GRIP1: variants seen among roughly 807,000 people sequenced by gnomAD.
GRIP1 encodes glutamate receptor-interacting protein 1.
Under a neutral mutation model 129.9 loss-of-function variants are expected in GRIP1, and 45 were observed. The ratio of observed to expected loss-of-function variants is 0.35; its 90% CI spans 0.27 to 0.44. The LOEUF is 0.44. Among genes scored for constraint, GRIP1 ranks in the 20% least tolerant of loss-of-function variants. GRIP1 has a pLI of 1.00. For synonymous variants in GRIP1, 530 were observed against 520.8 expected (o/e 1.02, Z -0.24); for missense variants, 1,196 against 1,396.8 (o/e 0.86, Z 2.29).
intron 2 of GRIP1, among the ~76,000 whole-genome samples, chr12:66,592,401 T>C (rs553825778): frequency 6.6e-5 from 10 of 152,336 alleles, no homozygotes; most frequent in African/African-American, 2.2e-4. Context: ...TAAGACCAAA[T>C]TGATAAGCAT....
At position 66,348,928 on chromosome 12, in the gene GRIP1, G is replaced by T; in HGVS notation, c.*91C>A. On this transcript the variant is annotated 3_prime_UTR_variant, in exon 25 of 25. Coordinates refer to ENST00000359742, the MANE Select transcript of GRIP1 (RefSeq NM_001366722.1). ...GCTTGCAGTTAATGCCACGTTGATT[G>T]ATTATCTGTGCTTCAAAGGTCACAG... The T allele has an allele frequency of 1.1e-6, 1 of 913,440 alleles. No homozygotes were observed. The highest frequency in any genetic ancestry group is 1.9e-6 in the Non-Finnish European group (1 of 540,298). 56.6% of individuals were successfully genotyped at this position (913,440 alleles called of 1,614,324 possible). A position where few individuals can be genotyped will look rare whatever the true frequency, so the allele number is the denominator to read the frequency against.
chr12:66,354,219 C>T (rs1239171346), intron 23 of GRIP1, among the ~76,000 whole-genome samples: 1 of 152,098 alleles, frequency 6.6e-6, no homozygotes, highest in African/African-American at 2.4e-5. Context: ...CTGCGGCCTG[C>T]CCCCCACCCC....
chr12:66,767,962 G>T (rs778525604), intron 1 of GRIP1, among the ~76,000 whole-genome samples: 2 of 152,174 alleles, frequency 1.3e-5, no homozygotes, highest in South Asian at 4.1e-4. Context: ...AAGAATCAAC[G>T]CAATTCCTGT....
intron 20 of GRIP1, 38 bp downstream of exon 20, chr12:66,379,242 G>C: frequency 6.2e-7 from 1 of 1,602,502 alleles, no homozygotes; most frequent in Non-Finnish European, 8.5e-7. Flanking sequence ...TGACCATGCA[G>C]TCATCTTGGA....
intron 1 of GRIP1, among the ~76,000 whole-genome samples, chr12:66,820,830 A>AG (rs2136983513): frequency 6.6e-6 from 1 of 151,914 alleles, no homozygotes; most frequent in Non-Finnish European, 1.5e-5. Flanking sequence ...AAAAAAAAAA[A>AG]CAGGGGTTGC....
chr12:66,536,082 T>C (rs1186046805), intron 4 of GRIP1, among the ~76,000 whole-genome samples: 1 of 152,188 alleles, frequency 6.6e-6, no homozygotes, highest in African/African-American at 2.4e-5. Flanking sequence ...GACTCCTCTT[T>C]TTCTGCACAA....
Position 66,543,797 on chromosome 12 carries a change from T to C in GRIP1, c.137-1847A>G, listed in dbSNP as rs542636676. Among the ~76,000 whole-genome samples the C allele has an allele frequency of 9.3e-4, 142 of 152,284 alleles. 1 individual carries two copies. Among genetic ancestry groups the C allele is most frequent in the African/African-American group, 3.4e-3 (140 of 41,570 alleles). On this transcript the variant is annotated intron_variant, in intron 2 of 24. Transcript: ENST00000359742. ...CTGCATCTTCTTTAAATATGCAGAGTATCCTATATATTTAGACATCTGATT... is the reference window on the plus strand; with the variant it reads ...CTGCATCTTCTTTAAATATGCAGAGCATCCTATATATTTAGACATCTGATT...
chr12:66,765,990 G>C (rs1428326529), intron 1 of GRIP1, among the ~76,000 whole-genome samples: 1 of 152,004 alleles, frequency 6.6e-6, no homozygotes, highest in Non-Finnish European at 1.5e-5. Flanking sequence ...AGACTGTTCT[G>C]GTACCACCAT....
chr12:66,714,076 T>G (rs2035794730), intron 1 of GRIP1, among the ~76,000 whole-genome samples: 1 of 152,062 alleles, frequency 6.6e-6, no homozygotes, highest in Non-Finnish European at 1.5e-5. Flanking sequence ...ATTTTAAAAT[T>G]TCTTACCAGA....
Position 66,452,397 on chromosome 12 carries a change from A to C in GRIP1, c.1354+3012T>G, listed in dbSNP as rs528384297. Among the ~76,000 whole-genome samples the C allele has an allele frequency of 1.7e-4, 26 of 152,334 alleles. 1 individual carries two copies. Among genetic ancestry groups the C allele is most frequent in the African/African-American group, 6.3e-4 (26 of 41,576 alleles). The stretch of plus-strand genomic sequence containing the variant: ...GTGTGCTGTATTAATTATTTTCTCT[A>C]TGAAACAAACATGACACCTTCCTGT... On this transcript the variant is annotated intron_variant, in intron 11 of 24. Coordinates refer to ENST00000359742, the MANE Select transcript of GRIP1 (RefSeq NM_001366722.1).
chr12:66,715,471 T>TGTGTGTGTGTGTGAGAGAGAGAGAGAGA (rs761155485), intron 1 of GRIP1, among the ~76,000 whole-genome samples: 1 of 110,058 alleles, frequency 9.1e-6, no homozygotes, highest in Admixed American at 9.2e-5. Context: ...TGTGTGTGTG[T>TGTGTGTGTGTGTGAGAGAGAGAGAGAGA]GAGAGAGAGA....
intron 1 of GRIP1, among the ~76,000 whole-genome samples, chr12:66,811,452 T>C (rs1000792811): frequency 6.6e-6 from 1 of 152,180 alleles, no homozygotes; most frequent in African/African-American, 2.4e-5. Context: ...TTTGAAGTGA[T>C]GAAAAATATA....
At chr12:66,988,542 G>C (rs1450017266) in intron 1 of GRIP1, among the ~76,000 whole-genome samples, 1 of 151,842 alleles carries the variant, frequency 6.6e-6, no homozygotes, top group Non-Finnish European at 1.5e-5. Context: ...ACCACACCTG[G>C]GTAATTTTTG....
intron 1 of GRIP1, among the ~76,000 whole-genome samples, chr12:66,923,311 A>T (rs754769398): frequency 6.6e-6 from 1 of 152,088 alleles, no homozygotes; most frequent in Non-Finnish European, 1.5e-5. Flanking sequence ...GTACCACTGC[A>T]CTCCATCTGG....
chr12:66,549,291 G>A (rs1457526368), intron 2 of GRIP1, among the ~76,000 whole-genome samples: 1 of 152,134 alleles, frequency 6.6e-6, no homozygotes, highest in Admixed American at 6.6e-5. Context: ...GGACGGTGCA[G>A]AAGCAAAATG....
chr12:66,905,289 G>A (rs1592942890), intron 1 of GRIP1, among the ~76,000 whole-genome samples: 1 of 152,296 alleles, frequency 6.6e-6, no homozygotes. Context: ...GTTCATTGTA[G>A]GAAATCTCTG....
intron 1 of GRIP1, among the ~76,000 whole-genome samples, chr12:66,788,710 A>G (rs1198762621): frequency 6.6e-6 from 1 of 152,138 alleles, no homozygotes; most frequent in Non-Finnish European, 1.5e-5. Context: ...TCTCCATACA[A>G]TAGCCATCTA....
At chr12:66,892,720 G>C (rs1260551606) in intron 1 of GRIP1, among the ~76,000 whole-genome samples, 2 of 152,140 alleles carry the variant, frequency 1.3e-5, no homozygotes, top group Non-Finnish European at 2.9e-5. Context: ...CCTGCATTTT[G>C]GGAGGCCAAG....
intron 13 of GRIP1, among the ~76,000 whole-genome samples, chr12:66,440,780 CT>C (rs750575075): frequency 2.2e-4 from 33 of 152,198 alleles, no homozygotes; most frequent in Non-Finnish European, 3.1e-4. Context: ...CTTTGAGTCT[CT>C]CACTATCTGT....
Sources: gnomAD v4.1 joint callset for allele counts (sites outside exome capture counted in the v4.1 genomes callset) on GRCh38, gnomAD v4.1.1 for gene constraint, MANE v1.5 for transcripts, NCBI Gene and HGNC (gene_info 2026-07-23, HGNC 2026-07-21) for gene names.